The following TC2N variants were observed in gnomAD, a reference collection of about 807,000 sequenced individuals.
The protein encoded by TC2N is tandem C2 domains nuclear protein.
A neutral mutation model predicts 61.9 loss-of-function variants in TC2N; 51 were observed. The observed-to-expected ratio is 0.82, with a 90% CI of 0.66 to 1.04. The LOEUF (loss-of-function observed/expected upper bound fraction) is 1.04. TC2N is among the 50% of genes least tolerant of loss of function. TC2N has a pLI of 0.00. For missense variants in TC2N, 556 were observed against 566.7 expected (o/e 0.98, Z 0.19); for synonymous variants, 204 against 192.6 (o/e 1.06, Z -0.49).
At chr14:91,866,381 A>G (rs1888703810) in intron 1 of TC2N, 1 of 152,238 alleles carries the variant, frequency 6.6e-6, no homozygotes, top group Non-Finnish European at 1.5e-5. Flanking sequence ...TGCCAATTAG[A>G]AAGTGTTATG....
At position 91,808,979 on chromosome 14, in the gene TC2N, GA is replaced by G. The variant is rs36036860; in HGVS notation, c.301+3332del. Among the ~76,000 whole-genome samples, 671 of 150,324 alleles carry G rather than the reference GA, an allele frequency of 4.5e-3. 8 individuals carry two copies. The highest frequency in any genetic ancestry group is 0.015 in the African/African-American group (635 of 41,064). ...TAATCCCAATGTTGTTAATAAGTATGAAAAAAAAAGAGAAAGATCAATTGAT... is the reference window on the plus strand; with the variant it reads ...TAATCCCAATGTTGTTAATAAGTATGAAAAAAAAGAGAAAGATCAATTGAT... On this transcript the variant is annotated intron_variant, in intron 3 of 11. Coordinates refer to ENST00000435962, the MANE Select transcript of TC2N (RefSeq NM_001128596.3).
intron 1 of TC2N, among the ~76,000 whole-genome samples, chr14:91,850,312 C>T (rs934206491): frequency 2.0e-5 from 3 of 152,068 alleles, no homozygotes; most frequent in Non-Finnish European, 4.4e-5. Flanking sequence ...ACTTTAAAGC[C>T]TAGGACAGTA....
intron 1 of TC2N, chr14:91,836,395 C>G (rs1341064797): frequency 1.3e-5 from 2 of 152,188 alleles, no homozygotes; most frequent in African/African-American, 4.8e-5. Context: ...GGGCGCTCTG[C>G]TGTCGCCGCC....
At chr14:91,796,265 C>T (rs1458572037) in intron 8 of TC2N, among the ~76,000 whole-genome samples, 1 of 151,940 alleles carries the variant, frequency 6.6e-6, no homozygotes, top group Non-Finnish European at 1.5e-5. Flanking sequence ...TACATATACA[C>T]ATACATACAT....
intron 1 of TC2N, among the ~76,000 whole-genome samples, chr14:91,814,075 C>T (rs976101045): frequency 4.0e-5 from 6 of 151,014 alleles, no homozygotes; most frequent in Non-Finnish European, 5.9e-5. Flanking sequence ...AGAAAAATTC[C>T]ATTCTTAATT....
intron 1 of TC2N, among the ~76,000 whole-genome samples, chr14:91,841,187 A>T (rs1888155679): frequency 2.0e-5 from 3 of 152,210 alleles, no homozygotes; most frequent in Admixed American, 1.3e-4. Context: ...TCCAAAGAGG[A>T]TGACAGCACA....
At chr14:91,818,510 A>T (rs182216564) in intron 1 of TC2N, among the ~76,000 whole-genome samples, 5 of 152,206 alleles carry the variant, frequency 3.3e-5, no homozygotes, top group East Asian at 3.9e-4. Context: ...GTATTCAATT[A>T]AAAAAAGTAC....
At chr14:91,861,657 T>A (rs1419728494) in intron 1 of TC2N, among the ~76,000 whole-genome samples, 1 of 152,256 alleles carries the variant, frequency 6.6e-6, no homozygotes, top group Non-Finnish European at 1.5e-5. Context: ...ACATGATGGC[T>A]GATGCCTGTA....
intron 1 of TC2N, among the ~76,000 whole-genome samples, chr14:91,832,583 A>G (rs1356854402): frequency 6.6e-6 from 1 of 152,174 alleles, no homozygotes; most frequent in Non-Finnish European, 1.5e-5. Context: ...GGTAATTACG[A>G]ATGTAGAAGT....
intron 1 of TC2N, among the ~76,000 whole-genome samples, chr14:91,840,173 C>A (rs1006206847): frequency 3.9e-5 from 6 of 152,174 alleles, no homozygotes; most frequent in Admixed American, 2.6e-4. Flanking sequence ...GAACAAAGCT[C>A]TCTCCACTGC....
chr14:91,787,894 CAAATT>C (rs1885443287), intron 9 of TC2N, among the ~76,000 whole-genome samples: 1 of 151,774 alleles, frequency 6.6e-6, no homozygotes, highest in South Asian at 2.1e-4. Context: ...AAATTAAAAG[CAAATT>C]AAATTAATAA....
intron 1 of TC2N, among the ~76,000 whole-genome samples, chr14:91,863,903 G>C (rs1482517712): frequency 6.6e-6 from 1 of 151,792 alleles, no homozygotes; most frequent in Non-Finnish European, 1.5e-5. Context: ...GCTGAGATGG[G>C]AGGATCACAG....
Position 91,782,095 on chromosome 14 carries a change from A to G in TC2N, c.*1005T>C, listed in dbSNP as rs1361416517. ...ACTGTTCTTTTTGGCCACAGTTCTT[A>G]TGGTCAATTAAGCTGAAATTATTTC... is the stretch of plus-strand genomic sequence containing the variant. On this transcript the variant is annotated 3_prime_UTR_variant, in exon 12 of 12. Transcript: ENST00000435962. 1 of 152,082 alleles carries G rather than the reference A, an allele frequency of 6.6e-6. No individual in the cohort carries two copies. The highest frequency in any genetic ancestry group is 2.4e-5 in the African/African-American group (1 of 41,448). The allele number at this position is 152,082 out of a possible 1,614,324, so 9.4% of individuals were successfully genotyped here.
intron 1 of TC2N, among the ~76,000 whole-genome samples, chr14:91,840,492 C>T (rs1212859214): frequency 6.6e-6 from 1 of 152,168 alleles, no homozygotes; most frequent in East Asian, 1.9e-4. Flanking sequence ...AGATGGCCAC[C>T]TTATCAGAAT....
At position 91,787,612 on chromosome 14, in the gene TC2N, G is replaced by A. The variant is rs774403982; in HGVS notation, c.1063C>T (p.Leu355Phe). The change falls in exon 10 of 12, where the codon CTT becomes TTT. Residue 355 changes from leucine to phenylalanine, a missense_variant. Transcript: ENST00000435962. ...GCTTGAAAACAAGTCCCCAATTCAA[G>A]TTCTGCATGGCAAACCTGCATATCA... is the stretch of plus-strand genomic sequence containing the variant. The part of the protein sequence containing the change: ...PSKISVCHAE[L>F]ELGTCFQAVN... 1 of 1,607,822 alleles carries A rather than the reference G, an allele frequency of 6.2e-7. No individual in the cohort carries two copies. The highest frequency in any genetic ancestry group is 8.5e-7 in the Non-Finnish European group (1 of 1,176,894).
At chr14:91,816,550 C>G (rs1887009537) in intron 1 of TC2N, among the ~76,000 whole-genome samples, 1 of 151,788 alleles carries the variant, frequency 6.6e-6, no homozygotes, top group South Asian at 2.1e-4. Context: ...TGGCAAACAT[C>G]CTTCTGGTTT....
intron 1 of TC2N, among the ~76,000 whole-genome samples, chr14:91,817,122 T>C (rs988832296): frequency 1.3e-5 from 2 of 151,996 alleles, no homozygotes; most frequent in Admixed American, 6.6e-5. Context: ...TCTAAGAATA[T>C]TGAGTCTTCC....
intron 8 of TC2N, among the ~76,000 whole-genome samples, chr14:91,793,886 GTGAGGA>G (rs1885778881): frequency 6.6e-6 from 1 of 152,196 alleles, no homozygotes; most frequent in Non-Finnish European, 1.5e-5. Context: ...ACTAAGCTTA[GTGAGGA>G]AGCTATGCTG....
chr14:91,800,943 T>G lies in TC2N; in HGVS notation c.470-571A>C, dbSNP rs577522558. Among the ~76,000 whole-genome samples, 92 of 150,612 alleles carry G rather than the reference T, an allele frequency of 6.1e-4. 1 individual carries two copies. Among genetic ancestry groups the G allele is most frequent in the Admixed American group, 2.7e-3 (41 of 15,084 alleles). ...CCCTAAATTCACTGGTTGAGAGAGATATATATATATACACACACACATATG... is the reference window on the plus strand; with the variant it reads ...CCCTAAATTCACTGGTTGAGAGAGAGATATATATATACACACACACATATG... On this transcript the variant is annotated intron_variant, in intron 4 of 11. Coordinates refer to ENST00000435962, the MANE Select transcript of TC2N (RefSeq NM_001128596.3).
Sources: allele counts gnomAD v4.1 joint callset (sites outside exome capture counted in the v4.1 genomes callset), GRCh38; gene constraint gnomAD v4.1.1; transcripts MANE v1.5; gene names NCBI Gene and HGNC (gene_info 2026-07-23, HGNC 2026-07-21).